Variants in IQCM observed in about 807,000 individuals in gnomAD.
IQCM encodes IQ motif containing M.
In IQCM, 45 loss-of-function variants were observed where a neutral mutation model predicts 57.6. The ratio of observed to expected loss-of-function variants is 0.78; its 90% CI spans 0.62 to 1.00. The LOEUF (loss-of-function observed/expected upper bound fraction) is 1.00. Ranked by LOEUF, IQCM falls within the 50% of genes least tolerant of loss-of-function variation. The probability of loss-of-function intolerance (pLI) is 0.00; values close to 1 mark genes in which losing one functional copy is unlikely to be tolerated. For missense variants in IQCM, 468 were observed against 511.6 expected, an observed-to-expected ratio of 0.91 and a Z score of 0.82; for synonymous variants, 148 against 158.9, an observed-to-expected ratio of 0.93 and a Z score of 0.51.
At chr4:149,487,707 G>A (rs982831283) in intron 12 of IQCM, among the ~76,000 whole-genome samples, 9 of 152,226 alleles carry the variant, frequency 5.9e-5, no homozygotes, top group Admixed American at 3.3e-4. Context: ...TCTCCACTGT[G>A]ACAGGGCAAC....
intron 10 of IQCM, among the ~76,000 whole-genome samples, chr4:149,555,592 C>A (rs184681746): frequency 6.6e-6 from 1 of 152,340 alleles, no homozygotes; most frequent in African/African-American, 2.4e-5. Context: ...TTACTGGGAG[C>A]TACCCAGCCT....
chr4:149,472,654 G>A (rs568124770), intron 12 of IQCM, among the ~76,000 whole-genome samples: 12 of 152,166 alleles, frequency 7.9e-5, no homozygotes, highest in East Asian at 3.9e-4. Context: ...AAAAGAGCCC[G>A]CATTGCCAAG....
chr4:149,354,498 G>A (rs1035588069), intron 13 of IQCM, among the ~76,000 whole-genome samples: 1 of 151,444 alleles, frequency 6.6e-6, no homozygotes, highest in Non-Finnish European at 1.5e-5. Flanking sequence ...ATTTACGACA[G>A]TTATACTAGA....
intron 13 of IQCM, among the ~76,000 whole-genome samples, chr4:149,357,081 T>C (rs953298301): frequency 6.6e-6 from 1 of 152,208 alleles, no homozygotes; most frequent in Non-Finnish European, 1.5e-5. Flanking sequence ...CTTGTGATTT[T>C]TGCACATTGA....
At chr4:149,504,570 G>A (rs1743593374) in intron 12 of IQCM, among the ~76,000 whole-genome samples, 1 of 151,966 alleles carries the variant, frequency 6.6e-6, no homozygotes, top group Non-Finnish European at 1.5e-5. Flanking sequence ...TTTGGTAAGT[G>A]ACTAGGTAAT....
Position 149,754,558 on chromosome 4 carries a change from G to A in IQCM, c.-48-11819C>T, listed in dbSNP as rs141160496. On this transcript the variant is annotated intron_variant, in intron 2 of 13. Transcript: ENST00000636793. ...GTCAATCTTAGTCCTCATCTTAGCCGACCTGTTAACAGCATTTTATGTATT... is the reference window on the plus strand; with the variant it reads ...GTCAATCTTAGTCCTCATCTTAGCCAACCTGTTAACAGCATTTTATGTATT... Among the ~76,000 whole-genome samples the A allele has an allele frequency of 5.8e-3, 883 of 152,198 alleles. 13 individuals are homozygous for A. The highest frequency in any genetic ancestry group is 0.019 in the African/African-American group (787 of 41,518).
chr4:149,650,486 G>A (rs1159516660), intron 7 of IQCM, among the ~76,000 whole-genome samples: 1 of 148,386 alleles, frequency 6.7e-6, no homozygotes. Context: ...TCCACCTCCC[G>A]GAATCAAGCG....
rs111428547 is a variant in IQCM at position 149,674,477 on chromosome 4, C to T, written c.565+7641G>A. Among the ~76,000 whole-genome samples the T allele has an allele frequency of 3.8e-4, 58 of 152,042 alleles. No individual in the cohort carries two copies. In the South Asian group the frequency reaches 4.6e-3, roughly 12 times the overall value. On this transcript the variant is annotated intron_variant, in intron 7 of 13. Transcript: ENST00000636793. ...TAAAATAGGCAGTATATCTTGATATCGTAAATGCTAGAAATCAAAGAAAGA... is the reference window on the plus strand; with the variant it reads ...TAAAATAGGCAGTATATCTTGATATTGTAAATGCTAGAAATCAAAGAAAGA...
At chr4:149,382,328 T>C (rs1008009625) in intron 13 of IQCM, among the ~76,000 whole-genome samples, 1 of 152,166 alleles carries the variant, frequency 6.6e-6, no homozygotes, top group Non-Finnish European at 1.5e-5. Flanking sequence ...TCCACTGCCC[T>C]ATTTCAGTGG....
At chr4:149,783,754 G>A (rs1771825815) in intron 2 of IQCM, among the ~76,000 whole-genome samples, 1 of 152,106 alleles carries the variant, frequency 6.6e-6, no homozygotes, top group Non-Finnish European at 1.5e-5. Context: ...CTCATTGTGG[G>A]CTTGATGCAG....
At position 149,405,417 on chromosome 4, in the gene IQCM, G is replaced by C. The variant is rs7677146; in HGVS notation, c.1390+27979C>G. Among the ~76,000 whole-genome samples, 543 of 152,004 alleles carry C rather than the reference G, an allele frequency of 3.6e-3. 5 individuals are homozygous for C. The highest frequency in any genetic ancestry group is 0.012 in the African/African-American group (508 of 41,472). ...CACACTGGGGCCTGTCAGGGGATGG[G>C]GGGCTGGGGGAGGGATAGCATTAGG... On this transcript the variant is annotated intron_variant, in intron 13 of 13. Transcript: ENST00000636793.
At chr4:149,663,177 CTAGA>C (rs1171243912) in intron 7 of IQCM, among the ~76,000 whole-genome samples, 1 of 151,938 alleles carries the variant, frequency 6.6e-6, no homozygotes, top group African/African-American at 2.4e-5. Flanking sequence ...TAAAAGTACT[CTAGA>C]TATTTTCCCT....
At chr4:149,777,274 G>C (rs1426051494) in intron 2 of IQCM, among the ~76,000 whole-genome samples, 1 of 152,108 alleles carries the variant, frequency 6.6e-6, no homozygotes, top group Non-Finnish European at 1.5e-5. Context: ...TACTCTTCAA[G>C]AATGTATAAA....
chr4:149,729,762 T>C (rs1371232677), intron 5 of IQCM, among the ~76,000 whole-genome samples: 4 of 152,158 alleles, frequency 2.6e-5, no homozygotes, highest in Admixed American at 1.3e-4. Flanking sequence ...TGGATTAGTC[T>C]CTCAATAATG....
rs78352103 is a variant in IQCM, at chr4:149,811,932, G to T, written c.-49+3379C>A. ...GCAGAATTTCAAACAGTTCAAAAAAGTAAAGAGAAATATATAGGCTTCATT... is the reference window on the plus strand; with the variant it reads ...GCAGAATTTCAAACAGTTCAAAAAATTAAAGAGAAATATATAGGCTTCATT... On this transcript the variant is annotated intron_variant, in intron 2 of 13. Coordinates refer to ENST00000636793, the MANE Select transcript of IQCM (RefSeq NM_001363507.2). Among the ~76,000 whole-genome samples, 699 of 152,256 alleles carry T rather than the reference G, an allele frequency of 4.6e-3. 5 individuals are homozygous for T. The highest frequency in any genetic ancestry group is 0.016 in the African/African-American group (668 of 41,560).
chr4:149,658,504 A>G (rs72726176), intron 7 of IQCM, among the ~76,000 whole-genome samples: 1 of 151,866 alleles, frequency 6.6e-6, no homozygotes, highest in African/African-American at 2.4e-5. Context: ...TGGTTCCATA[A>G]GAATTTTAAG....
At chr4:149,520,209 G>T (rs1344349183) in intron 12 of IQCM, among the ~76,000 whole-genome samples, 2 of 149,334 alleles carry the variant, frequency 1.3e-5, no homozygotes, top group South Asian at 2.2e-4. Flanking sequence ...CCGTATATAA[G>T]GTGGGCACCA....
chr4:149,536,873 A>T lies in IQCM; in HGVS notation c.1228+11582T>A, dbSNP rs554551634. ...TACTTTTATCTCTCAGATGGGTGAA[A>T]GCAATAAAGAATACCTACTAAATAT... On this transcript the variant is annotated intron_variant, in intron 12 of 13. Transcript: ENST00000636793. 4.9e-4 allele frequency among the ~76,000 whole-genome samples: 74 copies of T among 152,170 alleles called. 1 individual carries two copies. The South Asian group carries it at 0.015, about 32-fold the overall frequency.
intron 8 of IQCM, among the ~76,000 whole-genome samples, chr4:149,606,385 GGTCACAACACTCA>G (rs1754784434): frequency 6.6e-6 from 1 of 152,118 alleles, no homozygotes; most frequent in Non-Finnish European, 1.5e-5. Context: ...CACAGCCTTA[GGTCACAACACTCA>G]GTCCCCTTTA....
Sources: allele counts gnomAD v4.1 joint callset (sites outside exome capture counted in the v4.1 genomes callset), GRCh38; gene constraint gnomAD v4.1.1; transcripts MANE v1.5; gene names NCBI Gene and HGNC (gene_info 2026-07-23, HGNC 2026-07-21).